HIVEP3: variants seen among roughly 807,000 people sequenced by gnomAD.
HIVEP3 encodes the protein HIVEP zinc finger 3, also known as transcription factor HIVEP3.
In HIVEP3, 49 loss-of-function variants were observed where a neutral mutation model predicts 152.8. That is an observed-to-expected ratio of 0.32 (90% confidence interval 0.26 to 0.41). The LOEUF (loss-of-function observed/expected upper bound fraction) is 0.41, where lower values mean the gene tolerates loss of function less well. Among genes scored for constraint, HIVEP3 ranks in the 10% least tolerant of loss-of-function variants. The probability of loss-of-function intolerance (pLI) is 1.00; values close to 1 mark genes in which losing one functional copy is unlikely to be tolerated. For synonymous variants in HIVEP3, 1,269 were observed against 1,289.0 expected, an observed-to-expected ratio of 0.98 and a Z score of 0.33; for missense variants, 2,790 against 3,103.3, an observed-to-expected ratio of 0.90 and a Z score of 2.40.
chr1:41,680,904 G>A (rs546401795), intron 2 of HIVEP3, among the ~76,000 whole-genome samples: 1 of 152,324 alleles, frequency 6.6e-6, no homozygotes, highest in Middle Eastern at 3.4e-3. Flanking sequence ...AATAATCACA[G>A]CTACCACTTA....
chr1:42,007,827 A>C (rs1645469091), intron 1 of HIVEP3, among the ~76,000 whole-genome samples: 1 of 151,856 alleles, frequency 6.6e-6, no homozygotes, highest in African/African-American at 2.4e-5. Context: ...TGCTTAAAAA[A>C]ATGAGTACGG....
chr1:41,847,320 A>G (rs1643471027), intron 1 of HIVEP3: 1 of 152,260 alleles, frequency 6.6e-6, no homozygotes, highest in Non-Finnish European at 1.5e-5. Flanking sequence ...CTCTTACATT[A>G]CAATTGCTGT....
At chr1:41,554,417 T>A (rs897144790) in intron 5 of HIVEP3, among the ~76,000 whole-genome samples, 3 of 152,190 alleles carry the variant, frequency 2.0e-5, no homozygotes, top group Non-Finnish European at 2.9e-5. Flanking sequence ...TTAGCTTCCT[T>A]GCGATGGGTT....
intron 2 of HIVEP3, among the ~76,000 whole-genome samples, chr1:41,669,921 A>C (rs1373827907): frequency 6.6e-6 from 1 of 152,162 alleles, no homozygotes; most frequent in African/African-American, 2.4e-5. Flanking sequence ...ATAGATGTCT[A>C]AATCAGGACT....
intron 1 of HIVEP3, among the ~76,000 whole-genome samples, chr1:41,996,128 T>A (rs1228544490): frequency 6.6e-6 from 1 of 152,028 alleles, no homozygotes; most frequent in East Asian, 1.9e-4. Flanking sequence ...AGGCAGTGGC[T>A]CACACCTGTA....
At chr1:41,979,471 C>G (rs539001433) in intron 1 of HIVEP3, among the ~76,000 whole-genome samples, 1 of 152,354 alleles carries the variant, frequency 6.6e-6, no homozygotes, top group Admixed American at 6.5e-5. Flanking sequence ...GTAATGGGAT[C>G]TGGACTCAAA....
intron 4 of HIVEP3, among the ~76,000 whole-genome samples, chr1:41,577,883 T>C (rs1190610565): frequency 6.6e-6 from 1 of 152,214 alleles, no homozygotes; most frequent in African/African-American, 2.4e-5. Context: ...CATGTGGTTA[T>C]ACTAATGTAC....
intron 5 of HIVEP3, among the ~76,000 whole-genome samples, chr1:41,547,290 C>T (rs1643826108): frequency 6.6e-6 from 1 of 152,136 alleles, no homozygotes; most frequent in South Asian, 2.1e-4. Flanking sequence ...GCATAGTTTG[C>T]CTGAAGCAAA....
rs956088252 is a variant in HIVEP3 at position 41,868,952 on chromosome 1, T to G, written c.-801+49461A>C. On this transcript the variant is annotated intron_variant, in intron 1 of 8. Transcript: ENST00000372583. ...ATAGGAATTTCTCCCCTTTTGTAAG[T>G]GAGGAAGCAACAGTTCAGAATGTGA... 2.0e-5 allele frequency among the ~76,000 whole-genome samples: 3 copies of G among 152,310 alleles called. No individual in the cohort carries two copies. In the East Asian group the frequency reaches 5.8e-4, roughly 29 times the overall value.
At chr1:41,517,119 C>T (rs1444864479) in intron 7 of HIVEP3, among the ~76,000 whole-genome samples, 1 of 152,230 alleles carries the variant, frequency 6.6e-6, no homozygotes, top group Non-Finnish European at 1.5e-5. Context: ...TGAGCATCCT[C>T]GTTTGCTCCA....
intron 2 of HIVEP3, among the ~76,000 whole-genome samples, chr1:41,660,472 G>C (rs184358211): frequency 3.3e-5 from 5 of 152,356 alleles, no homozygotes; most frequent in Admixed American, 3.3e-4. Flanking sequence ...GGGGAGTCAT[G>C]TTGCGGTCCG....
At chr1:41,881,309 C>T (rs977777989) in intron 1 of HIVEP3, among the ~76,000 whole-genome samples, 1 of 152,108 alleles carries the variant, frequency 6.6e-6, no homozygotes, top group South Asian at 2.1e-4. Flanking sequence ...CACAATGCCC[C>T]CTTTGAAGAT....
chr1:42,006,288 G>A (rs1307226138), intron 1 of HIVEP3, among the ~76,000 whole-genome samples: 4 of 152,016 alleles, frequency 2.6e-5, no homozygotes, highest in African/African-American at 4.8e-5. Context: ...AGACAGGGAC[G>A]AGAGGAACCA....
chr1:41,838,966 C>T (rs1643206933), intron 1 of HIVEP3, among the ~76,000 whole-genome samples: 1 of 152,228 alleles, frequency 6.6e-6, no homozygotes, highest in Admixed American at 6.5e-5. Flanking sequence ...TAGCTGACAA[C>T]TGGACCAAAT....
At chr1:41,931,479 C>T (rs1014352637) in intron 1 of HIVEP3, among the ~76,000 whole-genome samples, 5 of 152,058 alleles carry the variant, frequency 3.3e-5, no homozygotes, top group Admixed American at 2.6e-4. Flanking sequence ...GTCAACACTA[C>T]ACTTCCTTGA....
intron 2 of HIVEP3, among the ~76,000 whole-genome samples, chr1:41,666,281 G>A (rs182912428): frequency 6.6e-6 from 1 of 152,162 alleles, no homozygotes; most frequent in Admixed American, 6.5e-5. Flanking sequence ...CAGTCCTCCA[G>A]ACTCAGTTCC....
chr1:41,594,149 G>T (rs1446753577), intron 3 of HIVEP3, among the ~76,000 whole-genome samples: 1 of 152,140 alleles, frequency 6.6e-6, no homozygotes, highest in African/African-American at 2.4e-5. Context: ...CAGTTTCCAG[G>T]GTTTAGAATG....
At chr1:41,586,722 G>A (rs955141072) in intron 3 of HIVEP3, among the ~76,000 whole-genome samples, 17 of 152,114 alleles carry the variant, frequency 1.1e-4, no homozygotes, top group African/African-American at 3.1e-4. Context: ...CAGGGCCCTC[G>A]GACACTGTGA....
chr1:41,858,032 G>T (rs1340616846), intron 1 of HIVEP3, among the ~76,000 whole-genome samples: 1 of 148,768 alleles, frequency 6.7e-6, no homozygotes, highest in Non-Finnish European at 1.5e-5. Context: ...GACCATAAAG[G>T]CTATGGTCAT....
Sources: allele counts gnomAD v4.1 joint callset (sites outside exome capture counted in the v4.1 genomes callset), GRCh38; gene constraint gnomAD v4.1.1; transcripts MANE v1.5; gene names NCBI Gene and HGNC (gene_info 2026-07-23, HGNC 2026-07-21).